HIGD2A: variants seen among roughly 807,000 people sequenced by gnomAD.
HIGD2A encodes HIG1 domain family member 2A, mitochondrial.
HIGD2A carries 4 observed loss-of-function variants against 6.3 expected under a neutral mutation model. That is an observed-to-expected ratio of 0.64 (90% CI 0.31 to 1.46). The LOEUF is 1.46. Among genes scored for constraint, HIGD2A ranks in the 40% most tolerant of loss-of-function variants. The pLI is 0.07. For missense variants in HIGD2A, 143 were observed against 144.8 expected (o/e 0.99, Z 0.06); for synonymous variants, 63 against 59.3 (o/e 1.06, Z -0.29).
Position 176,389,571 on chromosome 5 carries a change from G to A in HIGD2A, c.*74G>A. The A allele has an allele frequency of 2.0e-6, 3 of 1,473,902 alleles. No homozygotes were observed. Among genetic ancestry groups the A allele is most frequent in the South Asian group, 2.6e-5 (2 of 77,114 alleles). 91.3% of individuals were successfully genotyped at this position (1,473,902 alleles called of 1,614,324 possible). A position where few individuals can be genotyped will look rare whatever the true frequency, so the allele number is the denominator to read the frequency against. On this transcript the variant is annotated 3_prime_UTR_variant, in exon 2 of 2. Transcript: ENST00000274787. ...GGGAGCAACCACTGGCCCTACCGTG[G>A]GACTTACTCCCTCCTCTCCTTTGAG...
In HIGD2A at chr5:176,388,874, C is replaced by G. The variant is rs1303224024; in HGVS notation, c.55C>G (p.Pro19Ala). The G allele has an allele frequency of 1.9e-6, 3 of 1,614,170 alleles. No homozygotes were observed. Among genetic ancestry groups the G allele is most frequent in the Middle Eastern group, 1.7e-4 (1 of 6,058 alleles). ...PEVPFEPSKP[P>A]VIEGLSPTVY... Reference sequence around the variant, plus strand: ...GGTCCCCTTTGAACCATCGAAGCCTCCAGTCATTGAGGGGCTGAGCCCCAC... The same window carrying G: ...GGTCCCCTTTGAACCATCGAAGCCTGCAGTCATTGAGGGGCTGAGCCCCAC... The change falls in exon 1 of 2, where the codon CCA (proline) becomes GCA (alanine). Residue 19 changes from proline to alanine, a missense_variant. Physicochemically the swap from Pro to Ala is conservative, Grantham distance 27. Coordinates refer to ENST00000274787, the MANE Select transcript of HIGD2A (RefSeq NM_138820.4).
intron 1 of HIGD2A, 123 bp downstream of exon 1, chr5:176,389,096 G>T (rs929232670): frequency 3.0e-6 from 4 of 1,332,714 alleles, no homozygotes; most frequent in South Asian, 1.3e-5. Context: ...AGACGAGGGG[G>T]CGGGGCGGTG....
In HIGD2A at chr5:176,388,829, C is replaced by G; in HGVS notation, c.10C>G (p.Pro4Ala). Residue 4 changes from proline (P) to alanine (A), a missense_variant, in exon 1 of 2, where the codon CCC becomes GCC. Coordinates refer to ENST00000274787, the MANE Select transcript of HIGD2A (RefSeq NM_138820.4). MAT[P>A]GPVIPEVPFE... ...CTGCTGTGGCCCGGACATGGCGACT[C>G]CCGGCCCTGTGATTCCGGAGGTCCC... The G allele has an allele frequency of 3.1e-6, 5 of 1,613,914 alleles. No individual in the cohort carries two copies. The highest frequency in any genetic ancestry group is 1.1e-5 in the South Asian group (1 of 91,062).
chr5:176,389,235 TC>T, intron 1 of HIGD2A, 95 bp from the exon 2 acceptor site: 1 of 1,423,316 alleles, frequency 7.0e-7, no homozygotes, highest in South Asian at 1.3e-5. Flanking sequence ...TCCGCTGTGA[TC>T]CAGAGATCTT....
intron 1 of HIGD2A, 32 bp from the exon 2 acceptor site, chr5:176,389,299 G>C: frequency 1.3e-6 from 2 of 1,597,220 alleles, no homozygotes; most frequent in Non-Finnish European, 1.7e-6. Flanking sequence ...GGCCCGACCT[G>C]CTGTTTCCCA....
Position 176,389,376 on chromosome 5 carries a change from TC to T in HIGD2A, c.202del (p.His68ThrfsTer11). On this transcript the variant is annotated frameshift_variant, in exon 2 of 2. Transcript: ENST00000274787. LOFTEE classifies it high-confidence loss of function. Reference sequence around the variant, plus strand: ...GCCCTCACCTACGGCCTCTACTCCTTCCACCGGGGCAACAGCCAGCGCTCTC... The same window carrying T: ...GCCCTCACCTACGGCCTCTACTCCTTCACCGGGGCAACAGCCAGCGCTCTC... ...AAALTYGLYS[F>X]HRGNSQRSQL... is the part of the protein sequence containing the mutation. 6.2e-7 allele frequency: 1 copy of T among 1,614,040 alleles called. No homozygotes were observed. The highest frequency in any genetic ancestry group is 8.5e-7 in the Non-Finnish European group (1 of 1,179,988).
In HIGD2A at chr5:176,388,849, G is replaced by C. The variant is rs1756124618; in HGVS notation, c.30G>C (p.Glu10Asp). 1.9e-6 allele frequency: 3 copies of C among 1,614,142 alleles called. No homozygotes were observed. Among genetic ancestry groups the C allele is most frequent in the Middle Eastern group, 1.7e-4 (1 of 6,060 alleles). ...CGACTCCCGGCCCTGTGATTCCGGA[G>C]GTCCCCTTTGAACCATCGAAGCCTC... Reference protein sequence around the residue: MATPGPVIPEVPFEPSKPPV... With the variant: MATPGPVIPDVPFEPSKPPV... Residue 10 changes from glutamate to aspartate, a missense_variant, in exon 1 of 2, where the codon GAG becomes GAC. Coordinates refer to ENST00000274787, the MANE Select transcript of HIGD2A (RefSeq NM_138820.4).
rs1241136151 is a variant in HIGD2A at position 176,389,443 on chromosome 5, G to A, written c.267G>A (p.Thr89=). The A allele has an allele frequency of 6.2e-7, 1 of 1,614,036 alleles. No individual in the cohort carries two copies. The highest frequency in any genetic ancestry group is 8.5e-7 in the Non-Finnish European group (1 of 1,180,048). ...MRTRIAAQGF[T]VAAILLGLAV... Reference sequence around the variant, plus strand: ...CCCGGATCGCCGCCCAGGGTTTCACGGTCGCAGCCATCTTGCTGGGTCTGG... The same window carrying A: ...CCCGGATCGCCGCCCAGGGTTTCACAGTCGCAGCCATCTTGCTGGGTCTGG... Residue 89 remains threonine, a synonymous_variant, in exon 2 of 2, where the codon ACG becomes ACA. Transcript: ENST00000274787.
Position 176,389,459 on chromosome 5 carries a change from C to T in HIGD2A, c.283C>T (p.Leu95=). ...AQGFTVAAIL[L]GLAVTAMKSR... Reference sequence around the variant, plus strand: ...GGGTTTCACGGTCGCAGCCATCTTGCTGGGTCTGGCTGTCACTGCTATGAA... The same window carrying T: ...GGGTTTCACGGTCGCAGCCATCTTGTTGGGTCTGGCTGTCACTGCTATGAA... The change falls in exon 2 of 2, where the codon CTG becomes TTG. Residue 95 remains leucine (L), a synonymous_variant. Coordinates refer to ENST00000274787, the MANE Select transcript of HIGD2A (RefSeq NM_138820.4). 1.2e-6 allele frequency: 2 copies of T among 1,614,076 alleles called. No individual in the cohort carries two copies. The highest frequency in any genetic ancestry group is 1.7e-6 in the Non-Finnish European group (2 of 1,179,984).
rs778285190 is a variant in HIGD2A at position 176,389,544 on chromosome 5, C to T, written c.*47C>T. The T allele has an allele frequency of 1.9e-6, 3 of 1,565,148 alleles. No homozygotes were observed. In the South Asian group the frequency reaches 3.6e-5, roughly 19 times the overall value. ...GCTCCGCAGAAATGATTCCAAAACC[C>T]AGGGAGCAACCACTGGCCCTACCGT... On this transcript the variant is annotated 3_prime_UTR_variant, in exon 2 of 2. Coordinates refer to ENST00000274787, the MANE Select transcript of HIGD2A (RefSeq NM_138820.4).
In HIGD2A at chr5:176,389,757, T is replaced by C; in HGVS notation, c.*260T>C. 5.2e-6 allele frequency: 2 copies of C among 384,172 alleles called. No homozygotes were observed. Among genetic ancestry groups the C allele is most frequent in the Non-Finnish European group, 9.4e-6 (2 of 213,678 alleles). 23.8% of individuals were successfully genotyped at this position (384,172 alleles called of 1,614,324 possible). A position where few individuals can be genotyped will look rare whatever the true frequency, so the allele number is the denominator to read the frequency against. On this transcript the variant is annotated 3_prime_UTR_variant, in exon 2 of 2. Transcript: ENST00000274787. ...AATAAACTCTAAAAATCCACTTGTA[T>C]TTAATTCAGTATCATCCCCATGGTT...
At position 176,388,842 on chromosome 5, in the gene HIGD2A, T is replaced by C. The variant is rs1205965187; in HGVS notation, c.23T>C (p.Ile8Thr). 1 of 1,614,114 alleles carries C rather than the reference T, an allele frequency of 6.2e-7. No individual in the cohort carries two copies. The highest frequency in any genetic ancestry group is 2.2e-5 in the East Asian group (1 of 44,888). MATPGPV[I>T]PEVPFEPSKP... ...GACATGGCGACTCCCGGCCCTGTGA[T>C]TCCGGAGGTCCCCTTTGAACCATCG... is the stretch of plus-strand genomic sequence containing the variant. The change falls in exon 1 of 2, where the codon ATT becomes ACT. Residue 8 changes from isoleucine (I) to threonine (T), a missense_variant. Physicochemically the swap from Ile to Thr is moderately conservative, Grantham distance 89. Transcript: ENST00000274787.
At chr5:176,389,043 C>T in intron 1 of HIGD2A, 70 bp downstream of exon 1, 2 of 1,573,424 alleles carry the variant, frequency 1.3e-6, no homozygotes, top group South Asian at 1.1e-5. Context: ...TAGAGAAGGA[C>T]CAGAGCGCTA....
chr5:176,389,664 C>A lies in HIGD2A; in HGVS notation c.*167C>A. 1.6e-6 allele frequency: 1 copy of A among 626,046 alleles called. No individual in the cohort carries two copies. The highest frequency in any genetic ancestry group is 2.7e-6 in the Non-Finnish European group (1 of 375,640). The allele number at this position is 626,046 out of a possible 1,614,324, so 38.8% of individuals were successfully genotyped here. On this transcript the variant is annotated 3_prime_UTR_variant, in exon 2 of 2. Transcript: ENST00000274787. ...TGTAACCGAAAGTTTTTTCAAAAATCCTAGATGCTGTTGTTTGAATGTTAC... is the reference window on the plus strand; with the variant it reads ...TGTAACCGAAAGTTTTTTCAAAAATACTAGATGCTGTTGTTTGAATGTTAC...
chr5:176,389,244 C>T, intron 1 of HIGD2A, 87 bp from the exon 2 acceptor site: 1 of 1,470,240 alleles, frequency 6.8e-7, no homozygotes, highest in African/African-American at 1.4e-5. Flanking sequence ...ATCCAGAGAT[C>T]TTGGCTTTGG....
At chr5:176,389,229 C>T (rs967177007) in intron 1 of HIGD2A, 102 bp from the exon 2 acceptor site, 4 of 1,392,616 alleles carry the variant, frequency 2.9e-6, no homozygotes, top group East Asian at 4.6e-5. Context: ...CCTCCCTCCG[C>T]TGTGATCCAG....
chr5:176,389,240 A>G (rs759990012), intron 1 of HIGD2A, 91 bp from the exon 2 acceptor site: 93 of 1,434,910 alleles, frequency 6.5e-5, no homozygotes, highest in Non-Finnish European at 8.6e-5. Flanking sequence ...TGTGATCCAG[A>G]GATCTTGGCT....
chr5:176,389,089 C>A, intron 1 of HIGD2A, 116 bp downstream of exon 1: 1 of 1,362,520 alleles, frequency 7.3e-7, no homozygotes, highest in Non-Finnish European at 1.0e-6. Flanking sequence ...AGAGAAGAGA[C>A]GAGGGGGCGG....
chr5:176,389,580 CCCT>C lies in HIGD2A; in HGVS notation c.*88_*90del, dbSNP rs1756177394. On this transcript the variant is annotated 3_prime_UTR_variant, in exon 2 of 2. Transcript: ENST00000274787. ...CACTGGCCCTACCGTGGGACTTACT[CCCT>C]CCTCTCCTTTGAGAGGCCCATGTGT... 1 of 1,416,364 alleles carries C rather than the reference CCCT, an allele frequency of 7.1e-7. No homozygotes were observed. Among genetic ancestry groups the C allele is most frequent in the Non-Finnish European group, 9.6e-7 (1 of 1,041,558 alleles). The allele number at this position is 1,416,364 out of a possible 1,614,324, so 87.7% of individuals were successfully genotyped here. A position where few individuals can be genotyped will look rare whatever the true frequency, so the allele number is the denominator to read the frequency against.
Sources: gnomAD v4.1 joint callset for allele counts on GRCh38, gnomAD v4.1.1 for gene constraint, MANE v1.5 for transcripts, NCBI Gene and HGNC (gene_info 2026-07-23, HGNC 2026-07-21) for gene names.